Variants in PCDH15 observed in about 807,000 individuals in gnomAD.
The protein encoded by PCDH15 is protocadherin related 15, also known as protocadherin-15.
A neutral mutation model predicts 178.5 loss-of-function variants in PCDH15; 129 were observed. The ratio of observed to expected loss-of-function variants is 0.72; its 90% confidence interval spans 0.63 to 0.84. The LOEUF (loss-of-function observed/expected upper bound fraction) is 0.84, where lower values mean the gene tolerates loss of function less well. PCDH15 is among the 40% of genes least tolerant of loss of function. The probability of loss-of-function intolerance (pLI) is 0.00; values close to 1 mark genes in which losing one functional copy is unlikely to be tolerated. For missense variants in PCDH15, 2,230 were observed against 2,099.9 expected (o/e 1.06, Z -1.21); for synonymous variants, 800 against 732.0 (o/e 1.09, Z -1.50).
chr10:54,263,270 G>T (rs1249455499), intron 8 of PCDH15, among the ~76,000 whole-genome samples: 1 of 152,094 alleles, frequency 6.6e-6, no homozygotes, highest in African/African-American at 2.4e-5. Flanking sequence ...GAAGGGGAGT[G>T]CAGCCTGCCA....
At chr10:55,563,204 A>T (rs1842234033) in intron 2 of PCDH15, among the ~76,000 whole-genome samples, 1 of 151,476 alleles carries the variant, frequency 6.6e-6, no homozygotes, top group South Asian at 2.1e-4. Context: ...TTGTTTTTGC[A>T]CTCCCTTCTT....
chr10:55,056,745 G>A (rs1034759485), intron 2 of PCDH15, among the ~76,000 whole-genome samples: 1 of 151,546 alleles, frequency 6.6e-6, no homozygotes, highest in Non-Finnish European at 1.5e-5. Context: ...CAATTCTCCT[G>A]CCTCAGCCTC....
At chr10:54,860,736 A>G (rs1953823894) in intron 3 of PCDH15, among the ~76,000 whole-genome samples, 1 of 152,198 alleles carries the variant, frequency 6.6e-6, no homozygotes, top group Non-Finnish European at 1.5e-5. Context: ...ACTGCTTTCC[A>G]CAATGGCTGA....
intron 2 of PCDH15, among the ~76,000 whole-genome samples, chr10:55,420,475 A>G (rs34022907): frequency 0.2 from 30,086 of 149,178 alleles, 3,950 homozygotes; most frequent in Non-Finnish European, 0.29. Context: ...TTTTCCCTTC[A>G]TCTTCAGAGT....
At chr10:55,498,277 T>C (rs1053102159) in intron 2 of PCDH15, among the ~76,000 whole-genome samples, 1 of 151,914 alleles carries the variant, frequency 6.6e-6, no homozygotes. Context: ...TGATTCTGCA[T>C]GATACTTGAA....
Position 54,328,836 on chromosome 10 carries a change from T to C in PCDH15, c.705+760A>G, listed in dbSNP as rs1228468088. On this transcript the variant is annotated intron_variant, in intron 7 of 37. Transcript: ENST00000644397. ...TGGAAGGAACCTAAGTCCCTGGTGATATAATTGAACTGTCAAACCAAACAT... is the reference window on the plus strand; with the variant it reads ...TGGAAGGAACCTAAGTCCCTGGTGACATAATTGAACTGTCAAACCAAACAT... Among the ~76,000 whole-genome samples, 4 of 152,000 alleles carry C rather than the reference T, an allele frequency of 2.6e-5. No homozygotes were observed. The Middle Eastern group carries it at 0.014, about 517-fold the overall frequency.
In PCDH15 at chr10:54,404,186, G is replaced by A. The variant is rs1030426716; in HGVS notation, c.158-25244C>T. The stretch of plus-strand genomic sequence containing the variant: ...ATTCTATTTTAATATTAATATTCAG[G>A]CCCCAAAAAAGGACCTGAATAGCCA... On this transcript the variant is annotated intron_variant, in intron 3 of 37. Transcript: ENST00000644397. Among the ~76,000 whole-genome samples, 5 of 150,888 alleles carry A rather than the reference G, an allele frequency of 3.3e-5. No individual in the cohort carries two copies. The Admixed American group carries it at 3.3e-4, about 10-fold the overall frequency.
intron 8 of PCDH15, among the ~76,000 whole-genome samples, chr10:54,270,505 G>T (rs887521754): frequency 6.6e-6 from 1 of 152,076 alleles, no homozygotes; most frequent in African/African-American, 2.4e-5. Context: ...TAAGTTGGGG[G>T]TCAAACTATA....
rs554715771 is a variant in PCDH15 at position 53,991,656 on chromosome 10, G to A, written c.2868+3993C>T. Among the ~76,000 whole-genome samples, 3 of 147,430 alleles carry A rather than the reference G, an allele frequency of 2.0e-5. 1 individual carries two copies. The South Asian group carries it at 6.7e-4, about 33-fold the overall frequency. On this transcript the variant is annotated intron_variant, in intron 21 of 37. Coordinates refer to ENST00000644397, the MANE Select transcript of PCDH15 (RefSeq NM_001384140.1). ...CTCAAGGTTTGCAAACACACCAGTC[G>A]GCACTCTGTGTCTAGCTCAAGGTTT...
At chr10:54,142,220 T>A (rs2043472011) in intron 14 of PCDH15, among the ~76,000 whole-genome samples, 1 of 152,194 alleles carries the variant, frequency 6.6e-6, no homozygotes. Flanking sequence ...TTTTAATTTG[T>A]GACATTTTAG....
At chr10:55,380,149 T>C (rs1158269061) in intron 2 of PCDH15, among the ~76,000 whole-genome samples, 1 of 152,134 alleles carries the variant, frequency 6.6e-6, no homozygotes, top group African/African-American at 2.4e-5. Context: ...TATAAATGTC[T>C]CATAAAGTGA....
upstream of PCDH15, among the ~76,000 whole-genome samples, chr10:55,322,249 A>AC (rs1843920103): frequency 6.6e-6 from 1 of 152,136 alleles, no homozygotes. Flanking sequence ...CTTTTGCCTT[A>AC]CACCATTATT....
intron 2 of PCDH15, among the ~76,000 whole-genome samples, chr10:55,088,355 G>A (rs1007923099): frequency 2.9e-4 from 44 of 151,548 alleles, no homozygotes; most frequent in Middle Eastern, 3.4e-3. Context: ...TGCAACCTCC[G>A]CCTCCCAAGT....
At position 54,312,182 on chromosome 10, in the gene PCDH15, A is replaced by G. The variant is rs568144419; in HGVS notation, c.876+5089T>C. 6.6e-5 allele frequency among the ~76,000 whole-genome samples: 10 copies of G among 152,256 alleles called. No individual in the cohort carries two copies. The South Asian group carries it at 2.1e-3, about 32-fold the overall frequency. ...ATTTCATGAAATTTTAGCAGAATAT[A>G]TAAAGGAAAATAGAAAAAGAGACAA... On this transcript the variant is annotated intron_variant, in intron 8 of 37. Transcript: ENST00000644397.
At chr10:54,397,367 T>G (rs1565172396) in intron 3 of PCDH15, among the ~76,000 whole-genome samples, 1 of 152,086 alleles carries the variant, frequency 6.6e-6, no homozygotes, top group Admixed American at 6.6e-5. Context: ...CAATTAAATG[T>G]GGTCCAAACT....
intron 2 of PCDH15, among the ~76,000 whole-genome samples, chr10:54,931,531 C>T (rs1458249538): frequency 6.6e-6 from 1 of 152,070 alleles, no homozygotes; most frequent in African/African-American, 2.4e-5. Context: ...GCAGATTTGT[C>T]CACTTAATAT....
intron 21 of PCDH15, among the ~76,000 whole-genome samples, chr10:53,967,412 G>A (rs2134380734): frequency 6.6e-6 from 1 of 152,198 alleles, no homozygotes; most frequent in South Asian, 2.1e-4. Context: ...GGAACTACAG[G>A]TGCATGCCAT....
chr10:55,080,847 G>C (rs1842023242), intron 2 of PCDH15, among the ~76,000 whole-genome samples: 1 of 152,096 alleles, frequency 6.6e-6, no homozygotes, highest in Admixed American at 6.6e-5. Context: ...GGAGGGTGGG[G>C]TTGCTGCTCC....
At chr10:53,947,488 G>A (rs1312411315) in intron 23 of PCDH15, among the ~76,000 whole-genome samples, 1 of 151,760 alleles carries the variant, frequency 6.6e-6, no homozygotes, top group African/African-American at 2.4e-5. Context: ...TTGCAAATCA[G>A]TACCAATTAA....
Sources: gnomAD v4.1 joint callset for allele counts (sites outside exome capture counted in the v4.1 genomes callset) on GRCh38, gnomAD v4.1.1 for gene constraint, MANE v1.5 for transcripts, NCBI Gene and HGNC (gene_info 2026-07-23, HGNC 2026-07-21) for gene names.